Variants in CHD8 observed in about 807,000 individuals in gnomAD.
The protein encoded by CHD8 is chromodomain helicase DNA binding protein 8, also known as ATP-dependent chromatin remodeler CHD8.
A neutral mutation model predicts 279.2 loss-of-function variants in CHD8; 31 were observed. The ratio of observed to expected loss-of-function variants is 0.11; its 90% CI spans 0.08 to 0.15. The LOEUF is 0.15. Ranked by LOEUF, CHD8 falls within the 10% of genes least tolerant of loss-of-function variation. The pLI is 1.00. For missense variants in CHD8, 2,146 were observed against 3,230.5 expected (o/e 0.66, Z 8.14); for synonymous variants, 1,081 against 1,139.6 (o/e 0.95, Z 1.04).
Position 21,409,859 on chromosome 14 carries a change from T to C in CHD8, c.2356A>G (p.Lys786Glu), listed in dbSNP as rs1435866210. The C allele has an allele frequency of 1.2e-6, 2 of 1,613,560 alleles. No individual in the cohort carries two copies. Among genetic ancestry groups the C allele is most frequent in the East Asian group, 2.2e-5 (1 of 44,876 alleles). Residue 786 changes from lysine to glutamate, a missense_variant, in exon 11 of 38, where the codon AAA (lysine) becomes GAA (glutamate). Physicochemically the swap from Lys to Glu is moderately conservative, Grantham distance 56. This residue lies in a region of CHD8 where 211 missense variants were observed against 464.7 expected (regional missense o/e 0.45). Coordinates refer to ENST00000646647, the MANE Select transcript of CHD8 (RefSeq NM_001170629.2). Reference protein sequence around the residue: ...KRIQSRHPELKRVNRPQASAW... With the variant: ...KRIQSRHPELERVNRPQASAW... ...AATGCAAATGTACTTACCACCCTTT[T>C]GAGTTCTGGGTGCCTTGACTGAATC...
At chr14:21,420,870 C>T in intron 5 of CHD8, among the ~76,000 whole-genome samples, 1 of 152,022 alleles carries the variant, frequency 6.6e-6, no homozygotes, top group Admixed American at 6.6e-5. Flanking sequence ...TCAAGTGATC[C>T]TCCTGCCTCA....
At chr14:21,445,988 G>A (rs1024446705) in intron 1 of CHD8, among the ~76,000 whole-genome samples, 2 of 151,354 alleles carry the variant, frequency 1.3e-5, no homozygotes, top group African/African-American at 4.9e-5. Flanking sequence ...GACAGAGCGA[G>A]ACTCCGTCTC....
chr14:21,408,340 T>C lies in CHD8; in HGVS notation c.2702A>G (p.Gln901Arg). The change falls in exon 13 of 38, where the codon CAG becomes CGG. Residue 901 changes from glutamine (Q) to arginine (R), a missense_variant. Physicochemically the swap from Gln to Arg is conservative, Grantham distance 43 (BLOSUM62 1). Transcript: ENST00000646647. The surrounding 1 kb of genome is among the most constrained non-coding windows in gnomAD (Gnocchi z 4.3). ...TGAATCTTTGCAGTACATTTCATACTGTTGAATCATCTGCCTGCTGGCCAG... is the reference window on the plus strand; with the variant it reads ...TGAATCTTTGCAGTACATTTCATACCGTTGAATCATCTGCCTGCTGGCCAG... ...GSLASRQMIQ[Q>R]YEMYCKDSRG... 1 of 1,613,788 alleles carries C rather than the reference T, an allele frequency of 6.2e-7. No individual in the cohort carries two copies. Among genetic ancestry groups the C allele is most frequent in the East Asian group, 2.2e-5 (1 of 44,882 alleles).
intron 30 of CHD8, 54 bp from the exon 31 acceptor site, chr14:21,394,539 C>A: frequency 2.4e-6 from 2 of 836,180 alleles, no homozygotes; most frequent in Non-Finnish European, 1.5e-6. Context: ...CAGAAGAACA[C>A]AAGAAAACTG....
intron 1 of CHD8, among the ~76,000 whole-genome samples, chr14:21,451,862 C>G (rs1445835879): frequency 6.6e-6 from 1 of 152,060 alleles, no homozygotes; most frequent in African/African-American, 2.4e-5. Flanking sequence ...TGAGAAACGT[C>G]AGAGATTAAG....
intron 5 of CHD8, among the ~76,000 whole-genome samples, chr14:21,419,435 C>T (rs908704584): frequency 6.6e-6 from 1 of 152,154 alleles, no homozygotes; most frequent in Non-Finnish European, 1.5e-5. Flanking sequence ...CAGCATGTGC[C>T]TGCAGTCTCA....
rs1162008263 is a variant in CHD8 at position 21,400,122 on chromosome 14, T to C, written c.4727+29A>G. ...TCAGTAACACTGTAGAAGTTTGAGG[T>C]GGAAAATGTCTGCTAATTCTATGCT... On this transcript the variant is annotated intron_variant, in intron 24 of 37. Coordinates refer to ENST00000646647, the MANE Select transcript of CHD8 (RefSeq NM_001170629.2). The surrounding 1 kb of genome is among the most constrained non-coding windows in gnomAD (Gnocchi z 4.2). The C allele has an allele frequency of 6.2e-7, 1 of 1,613,654 alleles. No individual in the cohort carries two copies. Among genetic ancestry groups the C allele is most frequent in the Admixed American group, 1.7e-5 (1 of 60,000 alleles).
chr14:21,403,551 C>T lies in CHD8; in HGVS notation c.3420G>A (p.Lys1140=), dbSNP rs776251871. ...RSAGKLVLID[K]LLPKLKAGGH... ...CACCAGCTTTAAGCTTTGGAAGCAA[C>T]TTGTCAATAAGAACCAGTTTGCCGG... The change falls in exon 17 of 38, where the codon AAG becomes AAA. Residue 1140 remains lysine, a synonymous_variant. Transcript: ENST00000646647. The surrounding 1 kb of genome is among the most constrained non-coding windows in gnomAD (Gnocchi z 4.3). 10 of 1,613,568 alleles carry T rather than the reference C, an allele frequency of 6.2e-6. No homozygotes were observed. In the South Asian group the frequency reaches 1.1e-4, roughly 18 times the overall value.
rs1042864074 is a variant in CHD8 at position 21,400,662 on chromosome 14, C to T, written c.4371-50G>A. The T allele has an allele frequency of 4.1e-6, 6 of 1,464,674 alleles. No individual in the cohort carries two copies. In the African/African-American group the frequency reaches 7.4e-5, roughly 18 times the overall value. The allele number at this position is 1,464,674 out of a possible 1,614,324, so 90.7% of individuals were successfully genotyped here. On this transcript the variant is annotated intron_variant, in intron 22 of 37. Transcript: ENST00000646647. The surrounding 1 kb of genome is among the most constrained non-coding windows in gnomAD (Gnocchi z 4.2). ...CATTTTTCTGAGAAATGACAGTCCC[C>T]TGTCCCTCAGAATCATGTCTCTGAA...
chr14:21,401,858 A>G, intron 20 of CHD8, 99 bp downstream of exon 20: 3 of 1,162,798 alleles, frequency 2.6e-6, no homozygotes, highest in Non-Finnish European at 3.7e-6. Flanking sequence ...AGTGCTGGGA[A>G]TATAGGCATG....
In CHD8 at chr14:21,387,767, C is replaced by T. The variant is rs192982145; in HGVS notation, c.7183-1591G>A. On this transcript the variant is annotated intron_variant, in intron 37 of 37. Coordinates refer to ENST00000646647, the MANE Select transcript of CHD8 (RefSeq NM_001170629.2). ...GTTGCAGTGAGCTGAGATCATGCCACTGCACTCCAGCCTGGGTTACAGAAC... is the reference window on the plus strand; with the variant it reads ...GTTGCAGTGAGCTGAGATCATGCCATTGCACTCCAGCCTGGGTTACAGAAC... 9.3e-5 allele frequency among the ~76,000 whole-genome samples: 13 copies of T among 140,366 alleles called. No homozygotes were observed. The East Asian group carries it at 2.1e-3, about 23-fold the overall frequency. 92.1% of individuals were successfully genotyped at this position (140,366 alleles called of 152,430 possible).
chr14:21,430,704 G>A, intron 2 of CHD8, 97 bp downstream of exon 2: 1 of 733,404 alleles, frequency 1.4e-6, no homozygotes, highest in South Asian at 1.9e-5. Context: ...AATTTAAATA[G>A]GCTTTCCCAG....
Position 21,402,875 on chromosome 14 carries a change from T to C in CHD8, c.3714+142A>G, listed in dbSNP as rs917703782. 5 of 676,466 alleles carry C rather than the reference T, an allele frequency of 7.4e-6. No homozygotes were observed. Among genetic ancestry groups the C allele is most frequent in the Non-Finnish European group, 1.2e-5 (5 of 406,740 alleles). 41.9% of individuals were successfully genotyped at this position (676,466 alleles called of 1,614,324 possible). ...CTGTCTTGTCGTTTACAGAAAACGT[T>C]TGCTGATTCCCTGACCTAACTGCCA... On this transcript the variant is annotated intron_variant, in intron 18 of 37. Transcript: ENST00000646647. The surrounding 1 kb of genome is among the most constrained non-coding windows in gnomAD (Gnocchi z 4.5).
intron 1 of CHD8, among the ~76,000 whole-genome samples, chr14:21,452,982 C>CAA (rs796504555): frequency 7.8e-6 from 1 of 127,888 alleles, no homozygotes; most frequent in Non-Finnish European, 1.7e-5. Flanking sequence ...GACTCCATCT[C>CAA]AAAAAAAAAA....
chr14:21,449,276 CTCACAG>C (rs1890202926), intron 1 of CHD8, among the ~76,000 whole-genome samples: 1 of 152,140 alleles, frequency 6.6e-6, no homozygotes, highest in African/African-American at 2.4e-5. Context: ...GTTACCTAAC[CTCACAG>C]TCTTTTTTTA....
At chr14:21,453,336 A>C (rs1010909988) in intron 1 of CHD8, among the ~76,000 whole-genome samples, 3 of 151,954 alleles carry the variant, frequency 2.0e-5, no homozygotes, top group Non-Finnish European at 4.4e-5. Flanking sequence ...TCAGCTAAAC[A>C]GAAGCAAAAG....
Position 21,393,880 on chromosome 14 carries a change from GCT to G in CHD8, c.5913_5914del (p.Ala1972ThrfsTer34). The G allele has an allele frequency of 6.2e-7, 1 of 1,614,010 alleles. No individual in the cohort carries two copies. Among genetic ancestry groups the G allele is most frequent in the Non-Finnish European group, 8.5e-7 (1 of 1,179,892 alleles). ...GCAGCGTGACAAGGATGGAGCTGGT[GCT>G]CCTGCTTGATGGTTCTGCATATAAT... On this transcript the variant is annotated frameshift_variant, in exon 32 of 38. Coordinates refer to ENST00000646647, the MANE Select transcript of CHD8 (RefSeq NM_001170629.2). LOFTEE classifies it high-confidence loss of function.
chr14:21,430,481 C>T, intron 2 of CHD8: 1 of 238,704 alleles, frequency 4.2e-6, no homozygotes, highest in Non-Finnish European at 8.2e-6. Flanking sequence ...AACTTTGTAT[C>T]ACACAATTAT....
At chr14:21,447,383 T>G (rs941854668) in intron 1 of CHD8, among the ~76,000 whole-genome samples, 1 of 151,950 alleles carries the variant, frequency 6.6e-6, no homozygotes, top group Admixed American at 6.6e-5. Flanking sequence ...CTTTTTTTTT[T>G]TTTTTTGAGA....
Sources: allele counts gnomAD v4.1 joint callset (sites outside exome capture counted in the v4.1 genomes callset), GRCh38; gene constraint gnomAD v4.1.1; regional missense constraint gnomAD v4.1.1; non-coding constraint Gnocchi (gnomAD v3.1); transcripts MANE v1.5; gene names NCBI Gene and HGNC (gene_info 2026-07-23, HGNC 2026-07-21).